The following PTPRD variants were observed in gnomAD, a reference collection of about 807,000 sequenced individuals.
The protein encoded by PTPRD is receptor-type tyrosine-protein phosphatase delta.
In PTPRD, 34 loss-of-function variants were observed where a neutral mutation model predicts 214.5. The observed-to-expected ratio is 0.16, with a 90% CI of 0.12 to 0.21. The LOEUF is 0.21. Among genes scored for constraint, PTPRD ranks in the 10% least tolerant of loss-of-function variants. The pLI, the probability that PTPRD is intolerant of heterozygous loss-of-function variation, is 1.00. For synonymous variants in PTPRD, 1,128 were observed against 845.7 expected (o/e 1.33, Z -5.79); for missense variants, 2,545 against 2,398.7 (o/e 1.06, Z -1.27).
chr9:8,596,892 A>T lies in PTPRD; in HGVS notation c.352+36425T>A, dbSNP rs140956471. On this transcript the variant is annotated intron_variant, in intron 14 of 45. Coordinates refer to ENST00000381196, the MANE Select transcript of PTPRD (RefSeq NM_002839.4). ...GCTATGGTTGGACTCCATTTGACAC[A>T]TTTAATAAATGGTGCATACAATTTT... Among the ~76,000 whole-genome samples the T allele has an allele frequency of 5.2e-3, 797 of 152,230 alleles. 12 individuals are homozygous for T. Among genetic ancestry groups the T allele is most frequent in the African/African-American group, 0.018 (765 of 41,572 alleles).
chr9:10,049,033 G>C (rs551090104), intron 3 of PTPRD, among the ~76,000 whole-genome samples: 2 of 152,186 alleles, frequency 1.3e-5, no homozygotes, highest in Non-Finnish European at 2.9e-5. Context: ...ACTGGATAAA[G>C]ATGAGGTTTG....
chr9:9,842,956 T>G (rs2058686758), intron 5 of PTPRD, among the ~76,000 whole-genome samples: 1 of 152,128 alleles, frequency 6.6e-6, no homozygotes, highest in African/African-American at 2.4e-5. Context: ...ATATATAAGT[T>G]GTTTAGAGAT....
intron 2 of PTPRD, among the ~76,000 whole-genome samples, chr9:10,459,620 G>T (rs553657414): frequency 6.6e-6 from 1 of 151,044 alleles, no homozygotes; most frequent in African/African-American, 2.4e-5. Context: ...GTATCTCACT[G>T]TGGTTTTGAT....
chr9:9,978,803 G>T (rs1165305938), intron 4 of PTPRD, among the ~76,000 whole-genome samples: 1 of 151,984 alleles, frequency 6.6e-6, no homozygotes, highest in Non-Finnish European at 1.5e-5. Context: ...AGATCGAAGA[G>T]TACAGGTACA....
rs982552694 is a variant in PTPRD, at chr9:8,947,487, GA to G, written c.-104+71209del. 4.9e-4 allele frequency among the ~76,000 whole-genome samples: 70 copies of G among 142,478 alleles called. No individual in the cohort carries two copies. The East Asian group carries it at 5.4e-3, about 11-fold the overall frequency. 93.5% of individuals were successfully genotyped at this position (142,478 alleles called of 152,430 possible). The stretch of plus-strand genomic sequence containing the variant: ...CAAAAAAAAAAAAAAAAAGAAAAAA[GA>G]AAAAAAAAAGTTACTATGGTAAGGT... On this transcript the variant is annotated intron_variant, in intron 11 of 45. Coordinates refer to ENST00000381196, the MANE Select transcript of PTPRD (RefSeq NM_002839.4).
intron 9 of PTPRD, among the ~76,000 whole-genome samples, chr9:9,290,331 G>C (rs372089035): frequency 6.6e-6 from 1 of 151,542 alleles, no homozygotes; most frequent in Non-Finnish European, 1.5e-5. Context: ...ATTTAGTTGT[G>C]TGAGTTTCTT....
intron 36 of PTPRD, among the ~76,000 whole-genome samples, chr9:8,395,780 C>A (rs1034337856): frequency 2.6e-5 from 4 of 151,952 alleles, no homozygotes; most frequent in African/African-American, 9.7e-5. Flanking sequence ...ATTTTCCATA[C>A]CCCCACACTG....
chr9:8,869,631 T>C (rs1256149955), intron 11 of PTPRD, among the ~76,000 whole-genome samples: 1 of 151,758 alleles, frequency 6.6e-6, no homozygotes, highest in Non-Finnish European at 1.5e-5. Context: ...GTTTTATTGC[T>C]CCCAGGAAAA....
intron 11 of PTPRD, among the ~76,000 whole-genome samples, chr9:8,851,622 T>C (rs1226632637): frequency 6.6e-6 from 1 of 152,206 alleles, no homozygotes; most frequent in Non-Finnish European, 1.5e-5. Context: ...TAGGAACTAG[T>C]GTTCTTGAAT....
intron 43 of PTPRD, among the ~76,000 whole-genome samples, chr9:8,338,463 A>C (rs1849113858): frequency 1.3e-5 from 2 of 152,082 alleles, no homozygotes; most frequent in South Asian, 4.1e-4. Context: ...GATTTTTCTA[A>C]AGAATGCCAT....
intron 12 of PTPRD, among the ~76,000 whole-genome samples, chr9:8,698,526 T>C (rs912923892): frequency 4.6e-5 from 7 of 152,264 alleles, no homozygotes; most frequent in African/African-American, 1.7e-4. Context: ...TCAGTCATTT[T>C]CTGTTGAAAG....
intron 9 of PTPRD, among the ~76,000 whole-genome samples, chr9:9,208,226 G>C (rs972375312): frequency 6.6e-6 from 1 of 151,624 alleles, no homozygotes; most frequent in Non-Finnish European, 1.5e-5. Context: ...GTGTAAGCCA[G>C]GATGGTCTCG....
chr9:8,842,876 T>TG (rs756757665), intron 11 of PTPRD, among the ~76,000 whole-genome samples: 10 of 152,204 alleles, frequency 6.6e-5, no homozygotes, highest in Non-Finnish European at 1.0e-4. Flanking sequence ...ATCTCCCTCC[T>TG]GCTCCGTCGG....
chr9:9,753,100 T>C (rs577549639), intron 6 of PTPRD, among the ~76,000 whole-genome samples: 37 of 152,216 alleles, frequency 2.4e-4, no homozygotes, highest in Admixed American at 5.2e-4. Flanking sequence ...ACAAACTTTG[T>C]TTCATTGCAT....
chr9:8,923,636 C>A (rs1005929577), intron 11 of PTPRD, among the ~76,000 whole-genome samples: 11 of 152,284 alleles, frequency 7.2e-5, no homozygotes, highest in African/African-American at 2.6e-4. Context: ...AAAAGTTACT[C>A]AGAGCCCTTT....
At chr9:9,501,808 C>T (rs2096423525) in intron 8 of PTPRD, among the ~76,000 whole-genome samples, 1 of 151,674 alleles carries the variant, frequency 6.6e-6, no homozygotes, top group African/African-American at 2.4e-5. Context: ...TTTAGACTAC[C>T]AGTGAGTCAA....
intron 2 of PTPRD, among the ~76,000 whole-genome samples, chr9:10,476,587 C>A (rs1314067021): frequency 1.3e-5 from 2 of 152,078 alleles, no homozygotes; most frequent in African/African-American, 4.8e-5. Context: ...AGATTCTATG[C>A]TATTCCCATC....
intron 11 of PTPRD, among the ~76,000 whole-genome samples, chr9:8,770,050 G>T (rs917666136): frequency 1.3e-5 from 2 of 152,182 alleles, no homozygotes; most frequent in Non-Finnish European, 2.9e-5. Flanking sequence ...GGAGGCCGAG[G>T]CCGGTGGATC....
At chr9:8,671,524 C>A (rs776198144) in intron 12 of PTPRD, among the ~76,000 whole-genome samples, 1 of 152,040 alleles carries the variant, frequency 6.6e-6, no homozygotes. Context: ...TTTCCTGAAT[C>A]CATTTTCTAA....
Sources: gnomAD v4.1 joint callset for allele counts (sites outside exome capture counted in the v4.1 genomes callset) on GRCh38, gnomAD v4.1.1 for gene constraint, MANE v1.5 for transcripts, NCBI Gene and HGNC (gene_info 2026-07-23, HGNC 2026-07-21) for gene names.